The following ZBTB11 variants were observed in gnomAD, a reference collection of about 807,000 sequenced individuals.
ZBTB11 encodes the protein zinc finger and BTB domain-containing protein 11.
In ZBTB11, 68 loss-of-function variants were observed where a neutral mutation model predicts 113.1. The ratio of observed to expected loss-of-function variants is 0.60; its 90% confidence interval spans 0.49 to 0.74. ZBTB11 has a LOEUF of 0.74. Ranked by LOEUF, ZBTB11 falls within the 30% of genes least tolerant of loss-of-function variation. The pLI, the probability that ZBTB11 is intolerant of heterozygous loss-of-function variation, is 0.00. For synonymous variants in ZBTB11, 518 were observed against 452.6 expected (o/e 1.14, Z -1.83); for missense variants, 1,104 against 1,279.4 (o/e 0.86, Z 2.09).
At chr3:101,664,886 T>C (rs2108323006) in intron 4 of ZBTB11, 78 bp downstream of exon 4, 2 of 1,528,540 alleles carry the variant, frequency 1.3e-6, no homozygotes, top group Non-Finnish European at 1.8e-6. Context: ...ATAATTTTCA[T>C]TATAGCCATA....
rs768123317 is a variant in ZBTB11 at position 101,672,034 on chromosome 3, T to C, written c.490A>G (p.Thr164Ala). 11 of 1,614,194 alleles carry C rather than the reference T, an allele frequency of 6.8e-6. No homozygotes were observed. Among genetic ancestry groups the C allele is most frequent in the Admixed American group, 1.7e-5 (1 of 60,024 alleles). The change falls in exon 2 of 11, where the codon ACT (threonine) becomes GCT (alanine). Residue 164 changes from threonine (T) to alanine (A), a missense_variant. Coordinates refer to ENST00000312938, the MANE Select transcript of ZBTB11 (RefSeq NM_014415.4). ...TTTTTTGCAGGCTTGGATGCTGTAGTTGGAGATGAAGTAAAGTTGCTCAGG... is the reference window on the plus strand; with the variant it reads ...TTTTTTGCAGGCTTGGATGCTGTAGCTGGAGATGAAGTAAAGTTGCTCAGG... ...DDLSNFTSSP[T>A]TASKPAKKKP... is the part of the protein sequence containing the mutation.
At chr3:101,671,441 TA>T in intron 2 of ZBTB11, 80 bp from the exon 3 acceptor site, 1 of 965,710 alleles carries the variant, frequency 1.0e-6, no homozygotes, top group Non-Finnish European at 1.6e-6. Flanking sequence ...CAAGACACAT[TA>T]CATATTACCT....
chr3:101,651,102 AAAC>A lies in ZBTB11; in HGVS notation c.*61_*63del. ...CAAGCAGACAGTCACACAGAATTGTAAACAAATGTTCTGTGAGTTCAGTGTACA... is the reference window on the plus strand; with the variant it reads ...CAAGCAGACAGTCACACAGAATTGTAAAATGTTCTGTGAGTTCAGTGTACA... On this transcript the variant is annotated 3_prime_UTR_variant, in exon 11 of 11. Coordinates refer to ENST00000312938, the MANE Select transcript of ZBTB11 (RefSeq NM_014415.4). 1.1e-5 allele frequency: 16 copies of A among 1,478,724 alleles called. No individual in the cohort carries two copies. Among genetic ancestry groups the A allele is most frequent in the Non-Finnish European group, 1.4e-5 (16 of 1,109,660 alleles). The allele number at this position is 1,478,724 out of a possible 1,614,324, so 91.6% of individuals were successfully genotyped here.
chr3:101,667,194 C>A (rs914825224), intron 3 of ZBTB11, among the ~76,000 whole-genome samples: 1 of 152,142 alleles, frequency 6.6e-6, no homozygotes, highest in African/African-American at 2.4e-5. Flanking sequence ...GCAGGGCAGG[C>A]GTGCACCTGG....
Position 101,652,942 on chromosome 3 carries a change from C to G in ZBTB11, c.2310-4G>C. ...TTCAAAGAAACTTTTTTCACATCTG[C>G]AATAAAGTTCAGTTACCCAATTGGA... On this transcript the variant is annotated splice_region_variant and splice_polypyrimidine_tract_variant and intron_variant, in intron 8 of 10. Coordinates refer to ENST00000312938, the MANE Select transcript of ZBTB11 (RefSeq NM_014415.4). 6.2e-7 allele frequency: 1 copy of G among 1,608,154 alleles called. No homozygotes were observed. The highest frequency in any genetic ancestry group is 8.5e-7 in the Non-Finnish European group (1 of 1,177,768).
At chr3:101,670,982 A>G (rs2108327117) in intron 3 of ZBTB11, 148 bp downstream of exon 3, 1 of 626,602 alleles carries the variant, frequency 1.6e-6, no homozygotes, top group Non-Finnish European at 2.8e-6. Context: ...AAATCTTGCT[A>G]AAAAGAACCT....
intron 3 of ZBTB11, among the ~76,000 whole-genome samples, chr3:101,667,690 T>G (rs1937019603): frequency 6.6e-6 from 1 of 152,116 alleles, no homozygotes; most frequent in South Asian, 2.1e-4. Context: ...AGACGGAGTT[T>G]CGCTCTTGTT....
At position 101,656,165 on chromosome 3, in the gene ZBTB11, T is replaced by C; in HGVS notation, c.2130A>G (p.Glu710=). Residue 710 remains glutamate, a synonymous_variant, in exon 7 of 11, where the codon GAA becomes GAG. Transcript: ENST00000312938. ...LHQSQKQFQC[E]LCVKSFVTKR... ...TGGTAACAAATGACTTAACACACAG[T>C]TCACACTGGAACTGCTTCTGTGATT... The C allele has an allele frequency of 1.2e-6, 2 of 1,601,878 alleles. No individual in the cohort carries two copies. Among genetic ancestry groups the C allele is most frequent in the South Asian group, 1.1e-5 (1 of 89,476 alleles).
intron 5 of ZBTB11, among the ~76,000 whole-genome samples, chr3:101,663,290 T>C (rs1402741886): frequency 6.6e-6 from 1 of 152,096 alleles, no homozygotes; most frequent in African/African-American, 2.4e-5. Flanking sequence ...CAGGCTGGTC[T>C]TGAAATCTTG....
chr3:101,669,057 G>C (rs1937042234), intron 3 of ZBTB11, among the ~76,000 whole-genome samples: 1 of 152,056 alleles, frequency 6.6e-6, no homozygotes, highest in South Asian at 2.1e-4. Flanking sequence ...GGCTAAGACA[G>C]GGTCTTGCTC....
At chr3:101,667,913 G>A (rs892808122) in intron 3 of ZBTB11, among the ~76,000 whole-genome samples, 3 of 151,996 alleles carry the variant, frequency 2.0e-5, no homozygotes, top group Admixed American at 6.6e-5. Context: ...TGCACCCCAC[G>A]TTTACTGCAG....
At chr3:101,652,221 T>C (rs1576642655) in intron 10 of ZBTB11, among the ~76,000 whole-genome samples, 1 of 152,222 alleles carries the variant, frequency 6.6e-6, no homozygotes, top group Non-Finnish European at 1.5e-5. Context: ...TTAGTTTCTG[T>C]GCATAAACTC....
chr3:101,676,945 C>G lies in ZBTB11; in HGVS notation c.-31G>C, dbSNP rs753241490. The G allele has an allele frequency of 2.6e-6, 4 of 1,531,470 alleles. No homozygotes were observed. 94.9% of individuals were successfully genotyped at this position (1,531,470 alleles called of 1,614,324 possible). A position where few individuals can be genotyped will look rare whatever the true frequency, so the allele number is the denominator to read the frequency against. ...ACCGCGGCTCCCTGAGGGCGCCTGT[C>G]AGGGACAGGTGAGGAAAACGGCCCG... On this transcript the variant is annotated 5_prime_UTR_variant, in exon 1 of 11. Transcript: ENST00000312938.
rs1350414003 is a variant in ZBTB11 at position 101,671,273 on chromosome 3, T to A, written c.635A>T (p.Gln212Leu). 1 of 1,614,192 alleles carries A rather than the reference T, an allele frequency of 6.2e-7. No homozygotes were observed. The highest frequency in any genetic ancestry group is 8.5e-7 in the Non-Finnish European group (1 of 1,180,040). Residue 212 changes from glutamine to leucine, a missense_variant, in exon 3 of 11, where the codon CAG becomes CTG. By Grantham distance (113) the Gln-to-Leu change is moderately radical. Coordinates refer to ENST00000312938, the MANE Select transcript of ZBTB11 (RefSeq NM_014415.4). ...KQLNEQRLSNQFCDVTLLIEG... is the reference protein window; with the variant it reads ...KQLNEQRLSNLFCDVTLLIEG... ...AATTAACAAAGTAACATCACAGAAC[T>A]GGTTGGAAAGTCTCTGTTCGTTCAG...
intron 6 of ZBTB11, among the ~76,000 whole-genome samples, chr3:101,658,730 C>T (rs1936839515): frequency 1.3e-5 from 2 of 152,130 alleles, no homozygotes; most frequent in African/African-American, 4.8e-5. Context: ...ATACAACGGA[C>T]TTTGGGGACT....
chr3:101,676,596 A>G lies in ZBTB11; in HGVS notation c.310+9T>C. 6.7e-7 allele frequency: 1 copy of G among 1,487,736 alleles called. No individual in the cohort carries two copies. Among genetic ancestry groups the G allele is most frequent in the South Asian group, 1.4e-5 (1 of 73,098 alleles). The allele number at this position is 1,487,736 out of a possible 1,614,324, so 92.2% of individuals were successfully genotyped here. On this transcript the variant is annotated intron_variant, in intron 1 of 10. Transcript: ENST00000312938. ...CCAGCCCGCCCCCTCGCCGCGGGCT[A>G]GGTCTCACCTCGCCACCAGTACGTC...
intron 6 of ZBTB11, among the ~76,000 whole-genome samples, chr3:101,657,005 G>A (rs966651654): frequency 2.0e-5 from 3 of 151,738 alleles, no homozygotes; most frequent in African/African-American, 7.3e-5. Flanking sequence ...GCCAGGTGTG[G>A]TGACAGGCAT....
intron 2 of ZBTB11, 59 bp downstream of exon 2, chr3:101,671,919 G>A (rs1428547789): frequency 6.7e-6 from 9 of 1,342,242 alleles, no homozygotes; most frequent in Non-Finnish European, 8.6e-6. Context: ...AGTCACCAAG[G>A]CTGCAAATAC....
chr3:101,673,114 A>G (rs1559988959), intron 1 of ZBTB11, among the ~76,000 whole-genome samples: 1 of 152,248 alleles, frequency 6.6e-6, no homozygotes, highest in East Asian at 1.9e-4. Flanking sequence ...AGCCACTCAC[A>G]AAAGATTTTG....
Sources: allele counts gnomAD v4.1 joint callset (sites outside exome capture counted in the v4.1 genomes callset), GRCh38; gene constraint gnomAD v4.1.1; transcripts MANE v1.5; gene names NCBI Gene and HGNC (gene_info 2026-07-23, HGNC 2026-07-21).